The following ENTREP2 variants were observed in gnomAD, a reference collection of about 807,000 sequenced individuals.
ENTREP2 encodes protein ENTREP2.
At chr15:29,146,207 C>G in the ENTREP2 span, among the ~76,000 whole-genome samples, 1 of 152,312 alleles carries the variant, frequency 6.6e-6, no homozygotes, top group African/African-American at 2.4e-5. Flanking sequence ...GGAGGACTTA[C>G]TATTGTTAAG....
chr15:29,129,865 TG>T, the ENTREP2 span, among the ~76,000 whole-genome samples: 160 of 152,334 alleles, frequency 1.1e-3, 1 homozygote, highest in African/African-American at 3.7e-3. Flanking sequence ...ATGCACCCCA[TG>T]CTACCTCAGA....
the ENTREP2 span, among the ~76,000 whole-genome samples, chr15:29,219,614 AATATATATATATAT>A: frequency 0.034 from 1,309 of 38,272 alleles, 35 homozygotes; most frequent in South Asian, 0.042. Context: ...GTGGTGCATA[AATATATATATATAT>A]ATATATATAT....
the ENTREP2 span, among the ~76,000 whole-genome samples, chr15:29,229,837 T>C: frequency 6.6e-6 from 1 of 152,202 alleles, no homozygotes; most frequent in African/African-American, 2.4e-5. Context: ...ATGGTTTCAG[T>C]TGCTATCTAT....
At chr15:29,164,209 C>T in the ENTREP2 span, among the ~76,000 whole-genome samples, 4 of 152,114 alleles carry the variant, frequency 2.6e-5, 1 homozygote, top group South Asian at 6.2e-4. Flanking sequence ...CAAAACAGAA[C>T]CTCTTTAAAG....
the ENTREP2 span, among the ~76,000 whole-genome samples, chr15:29,566,325 G>T: frequency 8.6e-5 from 13 of 151,246 alleles, no homozygotes; most frequent in African/African-American, 2.9e-4. Context: ...CGCCCAGCTA[G>T]TTTTTTGTAT....
the ENTREP2 span, among the ~76,000 whole-genome samples, chr15:29,474,817 G>A: frequency 1.3e-5 from 2 of 152,138 alleles, no homozygotes; most frequent in African/African-American, 4.8e-5. Context: ...TCAGCCTCCC[G>A]AAGTGCTGGG....
chr15:29,633,509 C>CA, the ENTREP2 span, among the ~76,000 whole-genome samples: 1 of 151,424 alleles, frequency 6.6e-6, no homozygotes, highest in African/African-American at 2.4e-5. Context: ...GTGGAGCCTT[C>CA]AGTGTTTTTA....
chr15:29,157,798 C>T, the ENTREP2 span, among the ~76,000 whole-genome samples: 9 of 149,482 alleles, frequency 6.0e-5, no homozygotes, highest in Non-Finnish European at 1.3e-4. Flanking sequence ...GGCGCGATAT[C>T]GGCTCACTGC....
At chr15:29,460,813 G>A in the ENTREP2 span, among the ~76,000 whole-genome samples, 1 of 152,196 alleles carries the variant, frequency 6.6e-6, no homozygotes, top group African/African-American at 2.4e-5. Flanking sequence ...CCACAACAGA[G>A]AATAACATCC....
the ENTREP2 span, among the ~76,000 whole-genome samples, chr15:29,473,636 G>A: frequency 6.6e-6 from 1 of 152,218 alleles, no homozygotes; most frequent in African/African-American, 2.4e-5. Context: ...AGTGCTCAGG[G>A]TGAACAGAAA....
chr15:29,332,444 G>T, the ENTREP2 span, among the ~76,000 whole-genome samples: 2 of 151,912 alleles, frequency 1.3e-5, no homozygotes. Flanking sequence ...GAAAAAAAAA[G>T]GAATAAATTC....
At chr15:29,347,297 G>A in the ENTREP2 span, among the ~76,000 whole-genome samples, 2 of 151,970 alleles carry the variant, frequency 1.3e-5, no homozygotes, top group Admixed American at 6.6e-5. Flanking sequence ...TGAATAGCTG[G>A]GACTATAGGC....
the ENTREP2 span, chr15:29,120,263 CT>C: frequency 6.8e-6 from 1 of 146,098 alleles, no homozygotes; most frequent in African/African-American, 2.8e-5. Context: ...GCCAGAAATA[CT>C]TCTTTTTATT....
At chr15:29,291,066 A>G in the ENTREP2 span, among the ~76,000 whole-genome samples, 1 of 152,094 alleles carries the variant, frequency 6.6e-6, no homozygotes, top group African/African-American at 2.4e-5. Flanking sequence ...TGAGGTGCTC[A>G]CCATCAGGTG....
the ENTREP2 span, among the ~76,000 whole-genome samples, chr15:29,371,932 A>ATAGATAGG: frequency 3.3e-5 from 5 of 151,980 alleles, no homozygotes; most frequent in Admixed American, 6.6e-5. Context: ...AGATAGATAG[A>ATAGATAGG]TAGATAGATA....
the ENTREP2 span, among the ~76,000 whole-genome samples, chr15:29,148,858 C>A: frequency 7.2e-5 from 11 of 151,742 alleles, no homozygotes; most frequent in Non-Finnish European, 1.0e-4. Flanking sequence ...TGTATGTGGA[C>A]TCCCTCCAGA....
chr15:29,646,851 T>C, the ENTREP2 span, among the ~76,000 whole-genome samples: 53 of 152,258 alleles, frequency 3.5e-4, no homozygotes, highest in Middle Eastern at 0.01. Flanking sequence ...ACTCTGTCTA[T>C]CCTGAACCCT....
chr15:29,353,266 T>C, the ENTREP2 span, among the ~76,000 whole-genome samples: 1 of 152,098 alleles, frequency 6.6e-6, no homozygotes, highest in African/African-American at 2.4e-5. Flanking sequence ...GTGCATTTGA[T>C]GGGGATCCAG....
the ENTREP2 span, among the ~76,000 whole-genome samples, chr15:29,649,951 T>C: frequency 3.3e-5 from 5 of 151,952 alleles, no homozygotes; most frequent in East Asian, 9.7e-4. Context: ...TAACTAGAGA[T>C]GTGAAAGGTA....
Sources: allele counts gnomAD v4.1 joint callset (sites outside exome capture counted in the v4.1 genomes callset), GRCh38; gene constraint gnomAD v4.1.1; transcripts MANE v1.5; gene names NCBI Gene and HGNC (gene_info 2026-07-23, HGNC 2026-07-21).